CERKL: variants seen among roughly 807,000 people sequenced by gnomAD.
The protein encoded by CERKL is ceramide kinase-like protein.
Under a neutral mutation model 63.4 loss-of-function variants are expected in CERKL, and 61 were observed. The observed-to-expected ratio is 0.96, with a 90% confidence interval of 0.78 to 1.19. The LOEUF is 1.19. CERKL is among the 50% of genes most tolerant of loss of function. The pLI is 0.00. For missense variants in CERKL, 675 were observed against 655.5 expected (o/e 1.03, Z -0.33); for synonymous variants, 250 against 230.5 (o/e 1.08, Z -0.77).
chr2:181,613,698 G>C (rs927487939), intron 1 of CERKL, among the ~76,000 whole-genome samples: 5 of 152,148 alleles, frequency 3.3e-5, no homozygotes, highest in Non-Finnish European at 5.9e-5. Context: ...TATAACAATA[G>C]ACAAATGTTC....
rs753314591 is a variant in CERKL at position 181,539,081 on chromosome 2, A to G, written c.1538+11T>C. The G allele has an allele frequency of 1.7e-5, 27 of 1,552,792 alleles. No individual in the cohort carries two copies. The highest frequency in any genetic ancestry group is 2.4e-5 in the Non-Finnish European group (27 of 1,124,664). ...CTGGTTGACAATAAGCGGTGAAATA[A>G]ATAGACTTACCTAATATGGACCTCT... On this transcript the variant is annotated intron_variant, in intron 12 of 12. Coordinates refer to ENST00000410087, the MANE Select transcript of CERKL (RefSeq NM_201548.5).
At chr2:181,596,767 A>G (rs755970976) in intron 2 of CERKL, among the ~76,000 whole-genome samples, 1 of 152,168 alleles carries the variant, frequency 6.6e-6, no homozygotes, top group African/African-American at 2.4e-5. Context: ...TTGGCTGTCC[A>G]TGGTACTTGG....
intron 2 of CERKL, among the ~76,000 whole-genome samples, chr2:181,584,397 A>G (rs1684669551): frequency 6.6e-6 from 1 of 152,056 alleles, no homozygotes; most frequent in African/African-American, 2.4e-5. Context: ...CTGTAATCTC[A>G]ACTACTAGGG....
At chr2:181,654,009 T>C (rs986085262) in intron 1 of CERKL, among the ~76,000 whole-genome samples, 5 of 152,176 alleles carry the variant, frequency 3.3e-5, no homozygotes, top group African/African-American at 7.2e-5. Context: ...CATCAAATAG[T>C]ATCTCATAAA....
chr2:181,590,807 C>T lies in CERKL; in HGVS notation c.481+13030G>A, dbSNP rs73035401. The stretch of plus-strand genomic sequence containing the variant: ...GTTGGTGAGGCTTTGAAGTAATGGA[C>T]GCTGTTATACGTTGCTGGTAAATAT... On this transcript the variant is annotated intron_variant, in intron 2 of 12. Coordinates refer to ENST00000410087, the MANE Select transcript of CERKL (RefSeq NM_201548.5). Among the ~76,000 whole-genome samples, 1,219 of 152,108 alleles carry T rather than the reference C, an allele frequency of 8.0e-3. 19 individuals carry two copies. The highest frequency in any genetic ancestry group is 0.028 in the African/African-American group (1,146 of 41,454).
intron 2 of CERKL, among the ~76,000 whole-genome samples, chr2:181,582,280 A>G (rs1057006258): frequency 2.6e-5 from 4 of 152,094 alleles, no homozygotes; most frequent in African/African-American, 9.7e-5. Flanking sequence ...ATGCAGAACC[A>G]TCTCTAAACT....
chr2:181,604,950 G>A (rs568363837), intron 1 of CERKL, among the ~76,000 whole-genome samples: 2 of 152,154 alleles, frequency 1.3e-5, no homozygotes, highest in South Asian at 2.1e-4. Flanking sequence ...CATTTCAATT[G>A]ACTCTCAAAG....
At position 181,537,021 on chromosome 2, in the gene CERKL, C is replaced by A; in HGVS notation, c.*1163G>T. On this transcript the variant is annotated 3_prime_UTR_variant, in exon 13 of 13. Coordinates refer to ENST00000410087, the MANE Select transcript of CERKL (RefSeq NM_201548.5). ...GCCTGCAGTGATGGTGAGGAATGTT[C>A]TGAGATTTGCGAAGGCATTTGAGTA... 2.2e-6 allele frequency: 1 copy of A among 446,414 alleles called. No individual in the cohort carries two copies. Among genetic ancestry groups the A allele is most frequent in the Non-Finnish European group, 4.5e-6 (1 of 223,010 alleles). The allele number at this position is 446,414 out of a possible 1,614,324, so 27.7% of individuals were successfully genotyped here.
At chr2:181,642,897 A>T (rs1687506793) in intron 1 of CERKL, among the ~76,000 whole-genome samples, 1 of 152,202 alleles carries the variant, frequency 6.6e-6, no homozygotes, top group Non-Finnish European at 1.5e-5. Flanking sequence ...AGCCTCAACC[A>T]ATTCTTTTCC....
intron 3 of CERKL, among the ~76,000 whole-genome samples, chr2:181,568,685 T>TA (rs397708525): frequency 3.0e-4 from 43 of 144,876 alleles, no homozygotes; most frequent in East Asian, 1.4e-3. Flanking sequence ...TTTTTTTTTT[T>TA]AATTTTTTTT....
intron 8 of CERKL, 187 bp downstream of exon 8, chr2:181,548,358 G>A (rs1303209426): frequency 5.0e-6 from 3 of 596,772 alleles, no homozygotes; most frequent in Non-Finnish European, 8.8e-6. Flanking sequence ...AAAGAAGGAA[G>A]GAAAAAGAGA....
chr2:181,639,218 G>A (rs1284261485), intron 1 of CERKL, among the ~76,000 whole-genome samples: 1 of 152,148 alleles, frequency 6.6e-6, no homozygotes. Context: ...GATGCTTACA[G>A]ATGAAATTAT....
chr2:181,569,004 C>T (rs551618841), intron 3 of CERKL, among the ~76,000 whole-genome samples: 1 of 152,260 alleles, frequency 6.6e-6, no homozygotes, highest in Admixed American at 6.5e-5. Context: ...ATAAGGGATA[C>T]TCCACCTGTA....
At chr2:181,546,572 T>A (rs1687734273) in intron 10 of CERKL, among the ~76,000 whole-genome samples, 1 of 152,208 alleles carries the variant, frequency 6.6e-6, no homozygotes, top group African/African-American at 2.4e-5. Flanking sequence ...GTTTGCAGTT[T>A]CTCTTTTTTC....
intron 1 of CERKL, among the ~76,000 whole-genome samples, chr2:181,637,684 C>T (rs1687240941): frequency 6.6e-6 from 1 of 151,952 alleles, no homozygotes; most frequent in African/African-American, 2.4e-5. Context: ...GCTATACTTC[C>T]TAGAATATAG....
chr2:181,541,169 C>G (rs1687487632), intron 11 of CERKL, among the ~76,000 whole-genome samples: 1 of 152,144 alleles, frequency 6.6e-6, no homozygotes, highest in Admixed American at 6.5e-5. Flanking sequence ...AGGCCCTCAT[C>G]CAATACGACT....
chr2:181,568,666 TTTTC>T (rs1298614573), intron 3 of CERKL, among the ~76,000 whole-genome samples: 112 of 81,038 alleles, frequency 1.4e-3, no homozygotes, highest in African/African-American at 3.6e-3. Flanking sequence ...CATTGGAGTA[TTTTC>T]TTTTTTTTTT....
chr2:181,559,311 T>C lies in CERKL; in HGVS notation c.678-603A>G, dbSNP rs1688339414. On this transcript the variant is annotated intron_variant, in intron 4 of 12. Transcript: ENST00000410087. ...CTAGATAGTACTACTAGTATATTTT[T>C]TAAGACTTTATATCAAGTAGACTAT... 2.0e-5 allele frequency among the ~76,000 whole-genome samples: 3 copies of C among 152,188 alleles called. No individual in the cohort carries two copies. In the South Asian group the frequency reaches 6.2e-4, roughly 32 times the overall value.
At chr2:181,634,909 C>T (rs1167918428) in intron 1 of CERKL, among the ~76,000 whole-genome samples, 1 of 152,066 alleles carries the variant, frequency 6.6e-6, no homozygotes, top group Non-Finnish European at 1.5e-5. Flanking sequence ...TAGAATATTC[C>T]TTTGGAACTA....
Sources: allele counts gnomAD v4.1 joint callset (sites outside exome capture counted in the v4.1 genomes callset), GRCh38; gene constraint gnomAD v4.1.1; transcripts MANE v1.5; gene names NCBI Gene and HGNC (gene_info 2026-07-23, HGNC 2026-07-21).